Variants in C1orf198 observed in about 807,000 individuals in gnomAD.
The protein encoded by C1orf198 is uncharacterized protein C1orf198.
C1orf198 carries 17 observed loss-of-function variants against 31.4 expected under a neutral mutation model. The observed-to-expected ratio is 0.54, with a 90% CI of 0.37 to 0.81. C1orf198 has a LOEUF of 0.81. Ranked by LOEUF, C1orf198 falls within the 40% of genes least tolerant of loss-of-function variation. The pLI is 0.00. For missense variants in C1orf198, 401 were observed against 450.3 expected (o/e 0.89, Z 0.99); for synonymous variants, 175 against 193.8 (o/e 0.90, Z 0.81).
intron 1 of C1orf198, among the ~76,000 whole-genome samples, chr1:230,867,231 G>A (rs981129010): frequency 1.3e-5 from 2 of 152,194 alleles, no homozygotes; most frequent in African/African-American, 4.8e-5. Flanking sequence ...AAACGCCAAA[G>A]AGTCACAGTG....
chr1:230,864,053 G>A (rs1670059171), intron 1 of C1orf198, among the ~76,000 whole-genome samples: 1 of 152,046 alleles, frequency 6.6e-6, no homozygotes, highest in African/African-American at 2.4e-5. Context: ...ATGTGTCATT[G>A]GTCCTGCATT....
At position 230,860,155 on chromosome 1, in the gene C1orf198, A is replaced by C. The variant is rs183121965; in HGVS notation, c.334-4437T>G. 5.3e-4 allele frequency among the ~76,000 whole-genome samples: 81 copies of C among 152,350 alleles called. 1 individual carries two copies. In the East Asian group the frequency reaches 0.013, roughly 25 times the overall value. On this transcript the variant is annotated intron_variant, in intron 1 of 3. Transcript: ENST00000366663. ...CAATTAAGTCCATTGTATTAAAAAT[A>C]AAGGTAATATACTTCACACCCACAA... is the stretch of plus-strand genomic sequence containing the variant.
At chr1:230,842,954 G>A (rs1269629512) in intron 3 of C1orf198, among the ~76,000 whole-genome samples, 1 of 151,764 alleles carries the variant, frequency 6.6e-6, no homozygotes, top group Non-Finnish European at 1.5e-5. Context: ...AGCTCCCCTG[G>A]CCCAAATCCA....
At position 230,851,596 on chromosome 1, in the gene C1orf198, C is replaced by T. The variant is rs114416391; in HGVS notation, c.384+4072G>A. On this transcript the variant is annotated intron_variant, in intron 2 of 3. Transcript: ENST00000366663. ...TAGGTCCCCACTGGCCCCCTCTCCC[C>T]TGGCACGCCTGCCAAGCTGATAGAT... Among the ~76,000 whole-genome samples the T allele has an allele frequency of 8.0e-3, 1,221 of 152,308 alleles. 17 individuals carry two copies. The highest frequency in any genetic ancestry group is 0.028 in the African/African-American group (1,149 of 41,580).
chr1:230,845,597 C>T (rs904159409), intron 2 of C1orf198, among the ~76,000 whole-genome samples: 2 of 151,210 alleles, frequency 1.3e-5, no homozygotes, highest in Non-Finnish European at 2.9e-5. Context: ...GCAGGAGAAT[C>T]GCTTGAACCC....
chr1:230,843,245 GAA>G lies in C1orf198; in HGVS notation c.927+107_927+108del. On this transcript the variant is annotated intron_variant, in intron 3 of 3. Transcript: ENST00000366663. This position sits in a 1 kb window ranked among gnomAD's most constrained non-coding sequence, Gnocchi z 4.9. ...TGAGGAAGAGGCAGGGGAAGGAGAA[GAA>G]AAAGAGCATGGGCACCTGTGGCCTG... is the stretch of plus-strand genomic sequence containing the variant. 7.7e-7 allele frequency: 1 copy of G among 1,303,348 alleles called. No homozygotes were observed. 80.7% of individuals were successfully genotyped at this position (1,303,348 alleles called of 1,614,324 possible). A position where few individuals can be genotyped will look rare whatever the true frequency, so the allele number is the denominator to read the frequency against.
intron 1 of C1orf198, 144 bp downstream of exon 1, chr1:230,868,036 T>TCCCCCCC: frequency 1.6e-5 from 14 of 861,418 alleles, no homozygotes; most frequent in East Asian, 3.4e-5. Context: ...GCTCTGGGGC[T>TCCCCCCC]CCCCTCCCAC....
chr1:230,862,503 A>G (rs1254615769), intron 1 of C1orf198, among the ~76,000 whole-genome samples: 2 of 152,220 alleles, frequency 1.3e-5, no homozygotes, highest in Non-Finnish European at 2.9e-5. Context: ...ACTGTGATAC[A>G]TCCAGACAAT....
In C1orf198 at chr1:230,840,625, C is replaced by A. The variant is rs1010317074; in HGVS notation, c.928-717G>T. ...TCATAAAACTTCTGACTGGCTTCCA[C>A]TCAGCAGCCTGTTTCTGATGTCCCT... On this transcript the variant is annotated intron_variant, in intron 3 of 3. Coordinates refer to ENST00000366663, the MANE Select transcript of C1orf198 (RefSeq NM_032800.3). This position sits in a 1 kb window ranked among gnomAD's most constrained non-coding sequence, Gnocchi z 4.0. Among the ~76,000 whole-genome samples the A allele has an allele frequency of 6.6e-5, 10 of 152,218 alleles. No individual in the cohort carries two copies. The highest frequency in any genetic ancestry group is 2.4e-4 in the African/African-American group (10 of 41,452).
chr1:230,856,531 C>T (rs1325506765), intron 1 of C1orf198, among the ~76,000 whole-genome samples: 2 of 152,158 alleles, frequency 1.3e-5, no homozygotes, highest in African/African-American at 4.8e-5. Context: ...TCATCTGTGT[C>T]CAGCTTCGAT....
chr1:230,869,330 TTTTCAGACTCAGAGGCGACA>T (rs1254599235), upstream of C1orf198: 1 of 152,112 alleles, frequency 6.6e-6, no homozygotes, highest in Non-Finnish European at 1.5e-5. Flanking sequence ...GAGCAGAAAG[TTTTCAGACTCAGAGGCGACA>T]TCCCAACAGG....
intron 1 of C1orf198, among the ~76,000 whole-genome samples, chr1:230,859,456 G>A (rs1399863248): frequency 6.6e-6 from 1 of 152,132 alleles, no homozygotes; most frequent in African/African-American, 2.4e-5. Context: ...TGTTGGCCAG[G>A]ACTTATCCTC....
chr1:230,861,700 A>G (rs1342431527), intron 1 of C1orf198, among the ~76,000 whole-genome samples: 1 of 152,152 alleles, frequency 6.6e-6, no homozygotes, highest in Non-Finnish European at 1.5e-5. Context: ...CACATTCTGC[A>G]AGTGTTTCTG....
rs376472944 is a variant in C1orf198 at position 230,854,188 on chromosome 1, C to T, written c.384+1480G>A. ...GATATCTTCAAATATAGACCCAGTC[C>T]AGGAAAATCTGCACTGCTTTCTGGG... On this transcript the variant is annotated intron_variant, in intron 2 of 3. Coordinates refer to ENST00000366663, the MANE Select transcript of C1orf198 (RefSeq NM_032800.3). 3.3e-5 allele frequency among the ~76,000 whole-genome samples: 5 copies of T among 152,148 alleles called. No individual in the cohort carries two copies. In the East Asian group the frequency reaches 7.7e-4, roughly 23 times the overall value.
chr1:230,853,354 C>T (rs548105085), intron 2 of C1orf198, among the ~76,000 whole-genome samples: 4 of 152,218 alleles, frequency 2.6e-5, no homozygotes, highest in African/African-American at 9.6e-5. Context: ...TTCACTAAAG[C>T]CACCTCCTGT....
intron 1 of C1orf198, among the ~76,000 whole-genome samples, chr1:230,867,317 C>G (rs1670143149): frequency 6.6e-6 from 1 of 152,208 alleles, no homozygotes; most frequent in Non-Finnish European, 1.5e-5. Flanking sequence ...CTGAACCCTA[C>G]AGAAGATTCA....
chr1:230,855,756 C>T, intron 1 of C1orf198, 38 bp from the exon 2 acceptor site: 1 of 1,607,910 alleles, frequency 6.2e-7, no homozygotes, highest in Non-Finnish European at 8.5e-7. Flanking sequence ...GAAATTCAAA[C>T]CCAGACATAC....
chr1:230,837,750 G>T lies in C1orf198; in HGVS notation c.*2102C>A, dbSNP rs941736685. 9 of 152,142 alleles carry T rather than the reference G, an allele frequency of 5.9e-5. No homozygotes were observed. The highest frequency in any genetic ancestry group is 2.2e-4 in the African/African-American group (9 of 41,418). 9.4% of individuals were successfully genotyped at this position (152,142 alleles called of 1,614,324 possible). A position where few individuals can be genotyped will look rare whatever the true frequency, so the allele number is the denominator to read the frequency against. ...CTCCCTCCAAGATTTCCTAATTTTT[G>T]ATTTTACATTTAATCTCAGGAGGCT... On this transcript the variant is annotated 3_prime_UTR_variant, in exon 4 of 4. Transcript: ENST00000366663.
chr1:230,864,687 G>A (rs889949613), intron 1 of C1orf198, among the ~76,000 whole-genome samples: 9 of 152,082 alleles, frequency 5.9e-5, no homozygotes, highest in Admixed American at 2.6e-4. Context: ...AGGTCCACGC[G>A]AACAAGACGC....
Sources: gnomAD v4.1 joint callset for allele counts (sites outside exome capture counted in the v4.1 genomes callset) on GRCh38, gnomAD v4.1.1 for gene constraint, Gnocchi (gnomAD v3.1) non-coding constraint, MANE v1.5 for transcripts, NCBI Gene and HGNC (gene_info 2026-07-23, HGNC 2026-07-21) for gene names.